Variants in MAGI2 observed in about 807,000 individuals in gnomAD.
MAGI2 encodes membrane associated guanylate kinase, WW and PDZ domain containing 2.
MAGI2 carries 35 observed loss-of-function variants against 133.3 expected under a neutral mutation model. The ratio of observed to expected loss-of-function variants is 0.26; its 90% CI spans 0.20 to 0.35. The LOEUF is 0.35. Ranked by LOEUF, MAGI2 falls within the 10% of genes least tolerant of loss-of-function variation. The pLI is 1.00. For synonymous variants in MAGI2, 729 were observed against 710.6 expected (o/e 1.03, Z -0.41); for missense variants, 1,636 against 1,863.4 (o/e 0.88, Z 2.25).
At chr7:79,205,774 T>C (rs1320430963) in intron 1 of MAGI2, among the ~76,000 whole-genome samples, 1 of 151,784 alleles carries the variant, frequency 6.6e-6, no homozygotes, top group East Asian at 1.9e-4. Flanking sequence ...TGTGTGTGTG[T>C]GTGTAATTAA....
chr7:78,691,999 G>A lies in MAGI2; in HGVS notation c.419-64760C>T, dbSNP rs532075425. Among the ~76,000 whole-genome samples the A allele has an allele frequency of 4.6e-5, 7 of 152,112 alleles. No individual in the cohort carries two copies. The South Asian group carries it at 6.2e-4, about 14-fold the overall frequency. On this transcript the variant is annotated intron_variant, in intron 2 of 21. Transcript: ENST00000354212. ...TAATGGGAAAAGTTTTGCATGCGTC[G>A]GGGCAGGGGAAAGTCTCTGTACCTT...
At chr7:79,009,347 G>A (rs1173636432) in intron 1 of MAGI2, among the ~76,000 whole-genome samples, 1 of 151,042 alleles carries the variant, frequency 6.6e-6, no homozygotes, top group African/African-American at 2.4e-5. Context: ...AAGAACTGTC[G>A]AAACTTTTAA....
chr7:79,191,763 T>C (rs1224891080), intron 1 of MAGI2, among the ~76,000 whole-genome samples: 14 of 151,802 alleles, frequency 9.2e-5, no homozygotes, highest in Admixed American at 5.3e-4. Context: ...TACATTGCTT[T>C]AAAATAATCC....
chr7:78,127,092 T>G, intron 19 of MAGI2, 105 bp downstream of exon 19: 1 of 864,926 alleles, frequency 1.2e-6, no homozygotes, highest in Non-Finnish European at 1.8e-6. Flanking sequence ...GAACTTCAGC[T>G]CTCCATCCCA....
chr7:79,377,642 G>A (rs1300248040), intron 1 of MAGI2, among the ~76,000 whole-genome samples: 1 of 151,748 alleles, frequency 6.6e-6, no homozygotes, highest in African/African-American at 2.4e-5. Flanking sequence ...AGCTTCAAGG[G>A]CAAACTAAAG....
At chr7:78,991,999 A>G (rs1006818) in intron 2 of MAGI2, among the ~76,000 whole-genome samples, 101,545 of 151,844 alleles carry the variant, frequency 0.67, 34,154 homozygotes, top group Non-Finnish European at 0.7. Flanking sequence ...GGTGAGCAAA[A>G]TTCCAAGAAC....
intron 21 of MAGI2, among the ~76,000 whole-genome samples, chr7:78,068,445 C>T (rs964200590): frequency 6.6e-6 from 1 of 151,994 alleles, no homozygotes. Context: ...TGAGTGATAA[C>T]AATGTGTCAA....
At chr7:78,970,683 C>T (rs74947281) in intron 2 of MAGI2, among the ~76,000 whole-genome samples, 3,675 of 152,124 alleles carry the variant, frequency 0.024, 146 homozygotes, top group African/African-American at 0.083. Flanking sequence ...GCTAATTCAT[C>T]CTGGCTGACT....
chr7:79,002,082 C>T (rs139403356), intron 2 of MAGI2, among the ~76,000 whole-genome samples: 1 of 151,792 alleles, frequency 6.6e-6, no homozygotes, highest in South Asian at 2.1e-4. Flanking sequence ...CTTATATAGC[C>T]TGAAATCTAA....
chr7:78,514,247 T>C (rs145871558), intron 4 of MAGI2, among the ~76,000 whole-genome samples: 5 of 150,960 alleles, frequency 3.3e-5, no homozygotes, highest in African/African-American at 4.8e-5. Context: ...TATAATAGTT[T>C]AATATTAATA....
intron 21 of MAGI2, among the ~76,000 whole-genome samples, chr7:78,050,185 TTAAG>T (rs1235541557): frequency 1.3e-5 from 2 of 152,208 alleles, no homozygotes; most frequent in Non-Finnish European, 1.5e-5. Flanking sequence ...TACGTATGTA[TTAAG>T]TGTTACATCT....
intron 1 of MAGI2, among the ~76,000 whole-genome samples, chr7:79,296,711 T>G (rs903484366): frequency 1.3e-5 from 2 of 152,122 alleles, no homozygotes; most frequent in African/African-American, 4.8e-5. Context: ...GAATGGTGGT[T>G]GTCAGAGGCT....
intron 6 of MAGI2, among the ~76,000 whole-genome samples, chr7:78,432,273 A>T (rs1799869132): frequency 6.6e-6 from 1 of 151,926 alleles, no homozygotes; most frequent in Non-Finnish European, 1.5e-5. Flanking sequence ...GGCCTCACAA[A>T]AATAGAAGCA....
At chr7:78,849,997 C>G (rs1792990610) in intron 2 of MAGI2, among the ~76,000 whole-genome samples, 1 of 151,998 alleles carries the variant, frequency 6.6e-6, no homozygotes, top group Admixed American at 6.6e-5. Context: ...AGTGCCTGAC[C>G]TGGAGTAGGT....
At chr7:78,822,856 C>T (rs554770587) in intron 2 of MAGI2, among the ~76,000 whole-genome samples, 1 of 152,134 alleles carries the variant, frequency 6.6e-6, no homozygotes, top group Non-Finnish European at 1.5e-5. Context: ...ATGCAAGCCA[C>T]TAGAAAGTTA....
intron 2 of MAGI2, among the ~76,000 whole-genome samples, chr7:78,726,281 A>G (rs1820800821): frequency 6.6e-6 from 1 of 152,210 alleles, no homozygotes; most frequent in Non-Finnish European, 1.5e-5. Context: ...ATGTGTGTAA[A>G]ACATTTGTAA....
At chr7:79,171,770 A>ATATATATATATATATATATATATATATT in intron 1 of MAGI2, among the ~76,000 whole-genome samples, 1 of 31,204 alleles carries the variant, frequency 3.2e-5, no homozygotes, top group African/African-American at 6.5e-5. Flanking sequence ...ATATATATAT[A>ATATATATATATATATATATATATATATT]TTTTTTTTTT....
At chr7:78,406,632 T>C (rs1215378262) in intron 6 of MAGI2, among the ~76,000 whole-genome samples, 1 of 152,088 alleles carries the variant, frequency 6.6e-6, no homozygotes, top group Non-Finnish European at 1.5e-5. Flanking sequence ...TGTATTATGA[T>C]CAGTTAGCAT....
intron 3 of MAGI2, among the ~76,000 whole-genome samples, chr7:78,626,705 C>T (rs1476485192): frequency 6.6e-6 from 1 of 151,888 alleles, no homozygotes; most frequent in African/African-American, 2.4e-5. Flanking sequence ...GAAAGCCACA[C>T]AGGGATAATG....
Sources: gnomAD v4.1 joint callset for allele counts (sites outside exome capture counted in the v4.1 genomes callset) on GRCh38, gnomAD v4.1.1 for gene constraint, MANE v1.5 for transcripts, NCBI Gene and HGNC (gene_info 2026-07-23, HGNC 2026-07-21) for gene names.